The following RMST variants were observed in gnomAD, a reference collection of about 807,000 sequenced individuals.
RMST encodes long intergenic non-protein coding RNA 54.
intron 10 of RMST, among the ~76,000 whole-genome samples, chr12:97,522,068 C>G (rs574015115): frequency 6.6e-6 from 1 of 152,240 alleles, no homozygotes; most frequent in Non-Finnish European, 1.5e-5. Flanking sequence ...GATCTGGCCT[C>G]TTTTGCATAA....
intron 5 of RMST, among the ~76,000 whole-genome samples, chr12:97,486,927 A>T (rs1876180407): frequency 6.6e-6 from 1 of 152,222 alleles, no homozygotes; most frequent in South Asian, 2.1e-4. Context: ...GTGAAATTAT[A>T]AAACTTATGA....
chr12:97,527,077 A>G (rs893476126), intron 10 of RMST, among the ~76,000 whole-genome samples: 10 of 151,724 alleles, frequency 6.6e-5, no homozygotes, highest in African/African-American at 1.7e-4. Flanking sequence ...AGTTTCAGGT[A>G]TTGATTCTAC....
At chr12:97,482,917 T>C (rs1875599282) in intron 5 of RMST, among the ~76,000 whole-genome samples, 1 of 151,292 alleles carries the variant, frequency 6.6e-6, no homozygotes, top group Admixed American at 6.6e-5. Flanking sequence ...ACCCAAGATT[T>C]TTTCTATTTT....
At chr12:97,545,956 A>G (rs1201075722) in intron 11 of RMST, among the ~76,000 whole-genome samples, 1 of 152,146 alleles carries the variant, frequency 6.6e-6, no homozygotes, top group Non-Finnish European at 1.5e-5. Context: ...TCATCAAGTG[A>G]CATAAACACT....
chr12:97,542,465 A>G (rs1882620777), intron 11 of RMST, among the ~76,000 whole-genome samples: 1 of 151,924 alleles, frequency 6.6e-6, no homozygotes, highest in South Asian at 2.1e-4. Context: ...AAAAGAGAAA[A>G]TAATACCAAA....
intron 11 of RMST, among the ~76,000 whole-genome samples, chr12:97,544,602 G>A (rs566117200): frequency 9.2e-5 from 14 of 152,148 alleles, no homozygotes; most frequent in South Asian, 6.2e-4. Flanking sequence ...CCATACCTTC[G>A]CTAGAATTGT....
At chr12:97,556,963 A>T (rs150329417) in intron 11 of RMST, among the ~76,000 whole-genome samples, 1 of 152,296 alleles carries the variant, frequency 6.6e-6, no homozygotes, top group Non-Finnish European at 1.5e-5. Context: ...CTGTATATTC[A>T]TGCCAAAGTT....
intron 11 of RMST, among the ~76,000 whole-genome samples, chr12:97,554,705 T>A (rs1003231749): frequency 1.6e-4 from 25 of 152,204 alleles, no homozygotes. Context: ...TAGCTAATGA[T>A]CTTGCTCTTT....
intron 10 of RMST, among the ~76,000 whole-genome samples, chr12:97,506,853 T>A (rs1176339795): frequency 6.6e-6 from 1 of 151,868 alleles, no homozygotes; most frequent in Non-Finnish European, 1.5e-5. Flanking sequence ...CCGGCTAATT[T>A]TTATATTTTT....
At chr12:97,480,091 T>TTTTTTC in intron 5 of RMST, among the ~76,000 whole-genome samples, 2 of 94,694 alleles carry the variant, frequency 2.1e-5, no homozygotes, top group African/African-American at 3.8e-5. Flanking sequence ...TCTTTTTTCT[T>TTTTTTC]TTTTTTTCTT....
chr12:97,543,898 A>G (rs1274889007), intron 11 of RMST, among the ~76,000 whole-genome samples: 2 of 152,072 alleles, frequency 1.3e-5, no homozygotes, highest in Non-Finnish European at 1.5e-5. Context: ...AAGCTATCCT[A>G]TAGCCATGAT....
chr12:97,469,378 A>G (rs1304902770), intron 5 of RMST, among the ~76,000 whole-genome samples: 1 of 152,112 alleles, frequency 6.6e-6, no homozygotes, highest in South Asian at 2.1e-4. Context: ...TCTGCAGCAG[A>G]CACTAAATTG....
rs1393506257 is a variant in RMST, at chr12:97,505,253, T to A, written n.1340+9197T>A. Among the ~76,000 whole-genome samples, 4 of 152,346 alleles carry A rather than the reference T, an allele frequency of 2.6e-5. No homozygotes were observed. In the East Asian group the frequency reaches 7.7e-4, roughly 29 times the overall value. On this transcript the variant is annotated intron_variant and non_coding_transcript_variant, in intron 10 of 13. Coordinates refer to ENST00000640149, the Ensembl canonical transcript of RMST. ...CTCACTATGCTTACAGAATCACAAA[T>A]GAGCATCAAAACAGTTCTGATTTAA...
chr12:97,550,738 G>A (rs1883254756), intron 11 of RMST, among the ~76,000 whole-genome samples: 1 of 152,072 alleles, frequency 6.6e-6, no homozygotes, highest in Non-Finnish European at 1.5e-5. Flanking sequence ...CTAGAACATA[G>A]CATCATATTT....
intron 11 of RMST, among the ~76,000 whole-genome samples, chr12:97,556,819 C>T (rs1015651095): frequency 1.3e-5 from 2 of 152,084 alleles, no homozygotes; most frequent in Non-Finnish European, 2.9e-5. Flanking sequence ...CAAGTTTGAT[C>T]GTCATAAGAT....
intron 5 of RMST, among the ~76,000 whole-genome samples, chr12:97,473,891 T>C (rs943073665): frequency 6.6e-6 from 1 of 152,114 alleles, no homozygotes; most frequent in Non-Finnish European, 1.5e-5. Flanking sequence ...TAGTTACCTG[T>C]GTGTTGAAAA....
At chr12:97,503,279 C>T (rs1209154261) in intron 10 of RMST, among the ~76,000 whole-genome samples, 1 of 152,088 alleles carries the variant, frequency 6.6e-6, no homozygotes, top group African/African-American at 2.4e-5. Context: ...ACAAGGCACA[C>T]CTAAATAGCA....
intron 11 of RMST, among the ~76,000 whole-genome samples, chr12:97,536,517 T>A (rs977582538): frequency 8.6e-5 from 13 of 151,456 alleles, no homozygotes; most frequent in Non-Finnish European, 5.9e-5. Context: ...GTGTGGTCAG[T>A]CTAAATCCAT....
chr12:97,547,619 T>C (rs1256490764), intron 11 of RMST, among the ~76,000 whole-genome samples: 3 of 152,172 alleles, frequency 2.0e-5, no homozygotes, highest in Non-Finnish European at 2.9e-5. Flanking sequence ...ATTATAGTTT[T>C]AATTTGCATT....
Sources: gnomAD v4.1 joint callset for allele counts (sites outside exome capture counted in the v4.1 genomes callset) on GRCh38, gnomAD v4.1.1 for gene constraint, MANE v1.5 for transcripts, NCBI Gene and HGNC (gene_info 2026-07-23, HGNC 2026-07-21) for gene names.